Variants in EBF3 observed in about 807,000 individuals in gnomAD.
EBF3 encodes the protein transcription factor COE3.
Under a neutral mutation model 77.1 loss-of-function variants are expected in EBF3, and 18 were observed. The observed-to-expected ratio is 0.23, with a 90% CI of 0.16 to 0.35. The LOEUF is 0.35. EBF3 is among the 10% of genes least tolerant of loss of function. The pLI is 1.00. For missense variants in EBF3, 558 were observed against 860.0 expected, an observed-to-expected ratio of 0.65 and a Z score of 4.39; for synonymous variants, 350 against 343.5, an observed-to-expected ratio of 1.02 and a Z score of -0.21.
intron 11 of EBF3, 30 bp from the exon 12 acceptor site, chr10:129,843,232 A>G: frequency 6.3e-7 from 1 of 1,595,572 alleles, no homozygotes; most frequent in Non-Finnish European, 8.5e-7. Flanking sequence ...GAGGTGATTC[A>G]TGGGAGGAAC....
At chr10:129,838,920 G>T (rs558347057) in intron 16 of EBF3, among the ~76,000 whole-genome samples, 163 bp downstream of exon 16, 4 of 152,300 alleles carry the variant, frequency 2.6e-5, no homozygotes, top group Admixed American at 1.3e-4. Flanking sequence ...GCCCGACCCC[G>T]TGTCACGGGC....
In EBF3 at chr10:129,841,957, C is replaced by A. The variant is rs1850092860; in HGVS notation, c.1372+159G>T. On this transcript the variant is annotated intron_variant, in intron 13 of 16. Transcript: ENST00000440978. This position sits in a 1 kb window ranked among gnomAD's most constrained non-coding sequence, Gnocchi z 4.6. ...CCCCAGCACTGGCTGGGAGGACCTGCAGCAAGGTCTTCCTGAGCAAAGGAA... is the reference window on the plus strand; with the variant it reads ...CCCCAGCACTGGCTGGGAGGACCTGAAGCAAGGTCTTCCTGAGCAAAGGAA... 6.6e-6 allele frequency among the ~76,000 whole-genome samples: 1 copy of A among 152,190 alleles called. No homozygotes were observed. The highest frequency in any genetic ancestry group is 2.4e-5 in the African/African-American group (1 of 41,454).
chr10:129,850,833 G>T (rs1464251485), intron 10 of EBF3, among the ~76,000 whole-genome samples: 2 of 152,142 alleles, frequency 1.3e-5, no homozygotes, highest in African/African-American at 4.8e-5. Context: ...GGCCCCTCTG[G>T]CCCACAGCCC....
At chr10:129,867,088 G>A (rs1852074015) in intron 10 of EBF3, 53 bp downstream of exon 10, 2 of 1,585,326 alleles carry the variant, frequency 1.3e-6, no homozygotes, top group African/African-American at 1.4e-5. Flanking sequence ...GCACCTCCTG[G>A]TGGGGAGGAG....
chr10:129,873,363 T>G, intron 8 of EBF3, 89 bp downstream of exon 8: 1 of 1,358,690 alleles, frequency 7.4e-7, no homozygotes, highest in Non-Finnish European at 9.5e-7. Context: ...GGGGGCCTGG[T>G]GAGAGTAACT....
At chr10:129,929,152 G>C (rs1400391251) in intron 6 of EBF3, among the ~76,000 whole-genome samples, 1 of 152,144 alleles carries the variant, frequency 6.6e-6, no homozygotes, top group East Asian at 1.9e-4. Flanking sequence ...CATATCCGAT[G>C]CTATGTCAAC....
chr10:129,946,127 T>C (rs1365643310), intron 6 of EBF3, among the ~76,000 whole-genome samples: 2 of 152,164 alleles, frequency 1.3e-5, no homozygotes, highest in African/African-American at 2.4e-5. Flanking sequence ...AAAAAGACCG[T>C]AGCCGTTTTA....
Position 129,861,461 on chromosome 10 carries a change from C to T in EBF3, c.1039+5680G>A, listed in dbSNP as rs565247383. Among the ~76,000 whole-genome samples, 2 of 152,222 alleles carry T rather than the reference C, an allele frequency of 1.3e-5. No individual in the cohort carries two copies. Among genetic ancestry groups the T allele is most frequent in the Admixed American group, 6.5e-5 (1 of 15,292 alleles). ...CGATTCTGGGCAGGTCCAGAGTCAGCCTGAGCTGAACACACAGACCCAAGC... is the reference window on the plus strand; with the variant it reads ...CGATTCTGGGCAGGTCCAGAGTCAGTCTGAGCTGAACACACAGACCCAAGC... On this transcript the variant is annotated intron_variant, in intron 10 of 16. Transcript: ENST00000440978. The surrounding 1 kb of genome is among the most constrained non-coding windows in gnomAD (Gnocchi z 4.3).
intron 6 of EBF3, among the ~76,000 whole-genome samples, chr10:129,906,102 G>C (rs1451780022): frequency 1.3e-5 from 2 of 152,204 alleles, no homozygotes; most frequent in African/African-American, 4.8e-5. Context: ...TGTATTAACT[G>C]TCAAGAGCGC....
In EBF3 at chr10:129,861,066, G is replaced by A. The variant is rs1270188913; in HGVS notation, c.1039+6075C>T. ...CAGCAGTGACCCTGGAAGCCCTCCCGGCCCCACTCTTCAAAGGGCCGTGTT... is the reference window on the plus strand; with the variant it reads ...CAGCAGTGACCCTGGAAGCCCTCCCAGCCCCACTCTTCAAAGGGCCGTGTT... On this transcript the variant is annotated intron_variant, in intron 10 of 16. Coordinates refer to ENST00000440978, the MANE Select transcript of EBF3 (RefSeq NM_001375380.1). The surrounding 1 kb of genome is among the most constrained non-coding windows in gnomAD (Gnocchi z 4.3). Among the ~76,000 whole-genome samples the A allele has an allele frequency of 2.6e-5, 4 of 152,196 alleles. No individual in the cohort carries two copies. Among genetic ancestry groups the A allele is most frequent in the Non-Finnish European group, 4.4e-5 (3 of 68,024 alleles).
chr10:129,932,338 T>G (rs901922199), intron 6 of EBF3, among the ~76,000 whole-genome samples: 2 of 152,150 alleles, frequency 1.3e-5, no homozygotes, highest in African/African-American at 4.8e-5. Context: ...CAGCCAGCCC[T>G]CACCCCTGCA....
At chr10:129,860,467 G>A (rs1851539352) in intron 10 of EBF3, among the ~76,000 whole-genome samples, 1 of 152,218 alleles carries the variant, frequency 6.6e-6, no homozygotes. Context: ...TGGTGCTGAA[G>A]AGTCAATACC....
intron 6 of EBF3, among the ~76,000 whole-genome samples, chr10:129,918,673 C>G (rs1265705951): frequency 1.3e-5 from 2 of 152,234 alleles, no homozygotes; most frequent in Non-Finnish European, 2.9e-5. Context: ...CAGGGGCCTA[C>G]AGGTCAGAGC....
At chr10:129,908,160 A>T (rs540326373) in intron 6 of EBF3, among the ~76,000 whole-genome samples, 3 of 152,212 alleles carry the variant, frequency 2.0e-5, no homozygotes, top group Non-Finnish European at 2.9e-5. Flanking sequence ...GCCATATTAT[A>T]TGACCTGGTG....
intron 4 of EBF3, among the ~76,000 whole-genome samples, chr10:129,959,391 G>C (rs1859304880): frequency 6.6e-6 from 1 of 151,906 alleles, no homozygotes; most frequent in Admixed American, 6.5e-5. Context: ...TCGGCATTCC[G>C]CGCCGCCGCC....
intron 6 of EBF3, among the ~76,000 whole-genome samples, chr10:129,907,660 CAT>C (rs567902564): frequency 3.3e-5 from 5 of 152,094 alleles, no homozygotes; most frequent in African/African-American, 4.8e-5. Flanking sequence ...AACAGCGAAA[CAT>C]GTTAAAAATC....
intron 10 of EBF3, among the ~76,000 whole-genome samples, chr10:129,859,727 C>A (rs1735766922): frequency 1.3e-5 from 2 of 152,268 alleles, no homozygotes; most frequent in South Asian, 2.1e-4. Flanking sequence ...ACTGACCCAG[C>A]TGGCGGGGCA....
intron 6 of EBF3, among the ~76,000 whole-genome samples, chr10:129,893,220 T>C (rs1020826449): frequency 6.6e-6 from 1 of 152,014 alleles, no homozygotes; most frequent in South Asian, 2.1e-4. Flanking sequence ...CAATAAGGAG[T>C]AAATAAAGAT....
intron 4 of EBF3, among the ~76,000 whole-genome samples, chr10:129,961,778 A>G (rs1464313146): frequency 1.3e-5 from 2 of 152,168 alleles, no homozygotes; most frequent in Non-Finnish European, 2.9e-5. Context: ...ATCAAGTCCA[A>G]CTCGATGGGC....
Sources: gnomAD v4.1 joint callset for allele counts (sites outside exome capture counted in the v4.1 genomes callset) on GRCh38, gnomAD v4.1.1 for gene constraint, Gnocchi (gnomAD v3.1) non-coding constraint, MANE v1.5 for transcripts, NCBI Gene and HGNC (gene_info 2026-07-23, HGNC 2026-07-21) for gene names.